CDH12: variants seen among roughly 807,000 people sequenced by gnomAD.
The protein encoded by CDH12 is cadherin 12, also known as cadherin-12.
A neutral mutation model predicts 74.1 loss-of-function variants in CDH12; 41 were observed. That is an observed-to-expected ratio of 0.55 (90% CI 0.43 to 0.72). CDH12 has a LOEUF of 0.72. Ranked by LOEUF, CDH12 falls within the 30% of genes least tolerant of loss-of-function variation. The probability of loss-of-function intolerance (pLI) is 0.00; values close to 1 mark genes in which losing one functional copy is unlikely to be tolerated. For missense variants in CDH12, 945 were observed against 977.2 expected (o/e 0.97, Z 0.44); for synonymous variants, 399 against 355.0 (o/e 1.12, Z -1.39).
chr5:22,168,560 T>C (rs1227620383), intron 4 of CDH12, among the ~76,000 whole-genome samples: 1 of 152,074 alleles, frequency 6.6e-6, no homozygotes, highest in Non-Finnish European at 1.5e-5. Context: ...ATGGTAATAA[T>C]GCTTATTTCT....
chr5:22,524,766 C>T (rs969802709), intron 1 of CDH12, among the ~76,000 whole-genome samples: 3 of 152,008 alleles, frequency 2.0e-5, no homozygotes, highest in Non-Finnish European at 4.4e-5. Flanking sequence ...CCAAGTGACA[C>T]ATGTCACATC....
intron 1 of CDH12, among the ~76,000 whole-genome samples, chr5:22,719,208 A>G (rs1424295835): frequency 6.6e-6 from 1 of 152,170 alleles, no homozygotes; most frequent in Non-Finnish European, 1.5e-5. Flanking sequence ...TGTTATCTAT[A>G]TCATATTTAT....
At chr5:22,765,006 C>G (rs1306760555) in intron 1 of CDH12, among the ~76,000 whole-genome samples, 2 of 151,848 alleles carry the variant, frequency 1.3e-5, no homozygotes, top group Admixed American at 6.6e-5. Context: ...GTCTTTTTCT[C>G]AAGTCAAAAG....
At chr5:22,491,900 C>T (rs187417045) in intron 2 of CDH12, among the ~76,000 whole-genome samples, 5 of 152,152 alleles carry the variant, frequency 3.3e-5, no homozygotes, top group African/African-American at 7.2e-5. Flanking sequence ...CCTGTCTTCA[C>T]GATGTCTTCT....
chr5:22,155,307 G>A (rs924124475), intron 4 of CDH12, among the ~76,000 whole-genome samples: 3 of 152,022 alleles, frequency 2.0e-5, no homozygotes, highest in Non-Finnish European at 4.4e-5. Context: ...TTGCTGGAGG[G>A]GTAGTCTTTG....
intron 1 of CDH12, among the ~76,000 whole-genome samples, chr5:22,842,805 AC>A (rs1437049795): frequency 6.6e-6 from 1 of 152,138 alleles, no homozygotes; most frequent in African/African-American, 2.4e-5. Flanking sequence ...TCATCAAAAA[AC>A]AATCAAACTT....
intron 4 of CDH12, among the ~76,000 whole-genome samples, chr5:22,127,559 G>C (rs1326582535): frequency 1.3e-5 from 2 of 151,120 alleles, no homozygotes; most frequent in Non-Finnish European, 2.9e-5. Context: ...CAGGAATCCA[G>C]GATGACTTTA....
intron 8 of CDH12, among the ~76,000 whole-genome samples, chr5:21,838,869 CA>C (rs1318853808): frequency 6.6e-6 from 1 of 152,200 alleles, no homozygotes; most frequent in Non-Finnish European, 1.5e-5. Context: ...TTCTACAAAC[CA>C]GCCTTCATCC....
At chr5:22,331,946 A>G (rs1739368123) in intron 3 of CDH12, among the ~76,000 whole-genome samples, 1 of 152,196 alleles carries the variant, frequency 6.6e-6, no homozygotes, top group East Asian at 1.9e-4. Flanking sequence ...GAGACAGGCT[A>G]TTTGAAAATA....
At chr5:22,478,992 T>C (rs916716850) in intron 2 of CDH12, among the ~76,000 whole-genome samples, 1 of 152,180 alleles carries the variant, frequency 6.6e-6, no homozygotes, top group East Asian at 1.9e-4. Flanking sequence ...TTCTAACATG[T>C]TCATGTTTTG....
intron 5 of CDH12, among the ~76,000 whole-genome samples, chr5:21,997,806 C>T (rs1736385928): frequency 6.6e-6 from 1 of 152,006 alleles, no homozygotes; most frequent in Non-Finnish European, 1.5e-5. Context: ...TGCAAATTTC[C>T]AAGCTAAGAG....
chr5:22,535,347 G>A (rs950318767), intron 1 of CDH12, among the ~76,000 whole-genome samples: 3 of 151,566 alleles, frequency 2.0e-5, no homozygotes, highest in Non-Finnish European at 4.4e-5. Context: ...TAGTAGAGAC[G>A]GGGTTTCACC....
intron 1 of CDH12, among the ~76,000 whole-genome samples, chr5:22,635,788 C>CCTGT (rs1738810937): frequency 6.6e-6 from 1 of 151,994 alleles, no homozygotes; most frequent in African/African-American, 2.4e-5. Context: ...GTGGCATGCG[C>CCTGT]CTGTAATCCC....
At chr5:21,916,020 G>A (rs1358813745) in intron 6 of CDH12, among the ~76,000 whole-genome samples, 1 of 151,934 alleles carries the variant, frequency 6.6e-6, no homozygotes, top group Non-Finnish European at 1.5e-5. Context: ...AAAAAGCAAT[G>A]TGCCAATGGA....
chr5:22,728,862 C>A (rs906372999), intron 1 of CDH12, among the ~76,000 whole-genome samples: 1 of 151,694 alleles, frequency 6.6e-6, no homozygotes, highest in African/African-American at 2.4e-5. Context: ...CACACACAGC[C>A]CCACATCCTA....
At chr5:21,953,998 C>G (rs954655349) in intron 6 of CDH12, among the ~76,000 whole-genome samples, 1 of 152,006 alleles carries the variant, frequency 6.6e-6, no homozygotes, top group Non-Finnish European at 1.5e-5. Context: ...ATTCTAATAA[C>G]TTTCATTTCC....
intron 1 of CDH12, among the ~76,000 whole-genome samples, chr5:22,727,732 T>G (rs1032139541): frequency 6.6e-6 from 1 of 151,266 alleles, no homozygotes; most frequent in African/African-American, 2.4e-5. Context: ...TAGGTTGACT[T>G]TTTTTTTAAT....
At chr5:22,847,306 T>C (rs1581058817) in intron 1 of CDH12, among the ~76,000 whole-genome samples, 1 of 152,088 alleles carries the variant, frequency 6.6e-6, no homozygotes, top group East Asian at 1.9e-4. Context: ...AAGTGTAGAG[T>C]TTCAGTAAAA....
intron 3 of CDH12, among the ~76,000 whole-genome samples, chr5:22,370,488 G>A (rs1315459934): frequency 2.0e-5 from 3 of 152,056 alleles, no homozygotes; most frequent in Non-Finnish European, 4.4e-5. Context: ...TATATTCCTT[G>A]AAAATAATTT....
Sources: allele counts gnomAD v4.1 joint callset (sites outside exome capture counted in the v4.1 genomes callset), GRCh38; gene constraint gnomAD v4.1.1; transcripts MANE v1.5; gene names NCBI Gene and HGNC (gene_info 2026-07-23, HGNC 2026-07-21).